ASIC5: variants seen among roughly 807,000 people sequenced by gnomAD.
ASIC5 encodes bile acid-sensitive ion channel.
ASIC5 carries 52 observed loss-of-function variants against 51.2 expected under a neutral mutation model. The ratio of observed to expected loss-of-function variants is 1.02; its 90% CI spans 0.81 to 1.28. The LOEUF is 1.28. ASIC5 is among the 50% of genes most tolerant of loss of function. ASIC5 has a pLI of 0.00. For synonymous variants in ASIC5, 231 were observed against 200.7 expected (o/e 1.15, Z -1.28); for missense variants, 635 against 595.0 (o/e 1.07, Z -0.70).
At chr4:155,837,038 G>A (rs974132290) in intron 7 of ASIC5, among the ~76,000 whole-genome samples, 181 bp from the exon 8 acceptor site, 3 of 152,128 alleles carry the variant, frequency 2.0e-5, no homozygotes, top group African/African-American at 7.2e-5. Flanking sequence ...TACAATATAA[G>A]GCCTGGAAGT....
At chr4:155,835,210 C>T (rs1309121013) in intron 8 of ASIC5, among the ~76,000 whole-genome samples, 1 of 152,100 alleles carries the variant, frequency 6.6e-6, no homozygotes, top group Non-Finnish European at 1.5e-5. Flanking sequence ...CTTTGTAACC[C>T]TAGGGTTGCA....
rs554030964 is a variant in ASIC5 at position 155,839,827 on chromosome 4, G to GA, written c.1010-959dup. Among the ~76,000 whole-genome samples the GA allele has an allele frequency of 4.4e-4, 66 of 150,324 alleles. No individual in the cohort carries two copies. In the South Asian group the frequency reaches 0.012, roughly 26 times the overall value. On this transcript the variant is annotated intron_variant, in intron 6 of 9. Coordinates refer to ENST00000537611, the MANE Select transcript of ASIC5 (RefSeq NM_017419.3). Reference sequence around the variant, plus strand: ...TTCTTCCATTATAAAGAGCAATTCAGAAAAAAAAGATGGTAGATGGAACAC... The same window carrying GA: ...TTCTTCCATTATAAAGAGCAATTCAGAAAAAAAAAGATGGTAGATGGAACAC...
intron 7 of ASIC5, among the ~76,000 whole-genome samples, chr4:155,837,674 G>A (rs1741017130): frequency 6.6e-6 from 1 of 152,024 alleles, no homozygotes; most frequent in South Asian, 2.1e-4. Flanking sequence ...TTCTCTAGGA[G>A]AAGTCAAAGC....
At chr4:155,855,541 A>G (rs992856035) in intron 2 of ASIC5, among the ~76,000 whole-genome samples, 3 of 151,994 alleles carry the variant, frequency 2.0e-5, no homozygotes, top group African/African-American at 4.8e-5. Context: ...GAAACTGAAC[A>G]AATGTTCTCT....
intron 6 of ASIC5, among the ~76,000 whole-genome samples, chr4:155,840,664 C>T (rs1215350046): frequency 6.6e-6 from 1 of 151,830 alleles, no homozygotes; most frequent in Non-Finnish European, 1.5e-5. Context: ...AAGACAATAA[C>T]AGCCCTTTCC....
intron 5 of ASIC5, 84 bp downstream of exon 5, chr4:155,843,597 G>A: frequency 6.8e-7 from 1 of 1,468,070 alleles, no homozygotes; most frequent in African/African-American, 1.4e-5. Context: ...AGGCATGGGA[G>A]AAAGGAATTT....
rs570782717 is a variant in ASIC5, at chr4:155,863,663, G to A, written c.132C>T (p.Ser44=). Residue 44 remains serine, a synonymous_variant, in exon 2 of 10, where the codon TCC becomes TCT. Coordinates refer to ENST00000537611, the MANE Select transcript of ASIC5 (RefSeq NM_017419.3). ...RKKFDHDFAI[S]TSFHGIHNIV... is the part of the protein sequence containing the mutation. The stretch of plus-strand genomic sequence containing the variant: ...TATTGTGTATCCCATGAAAGGAAGT[G>A]GAGATGGCAAAGTCATGGTCAAACT... The A allele has an allele frequency of 5.3e-4, 859 of 1,613,854 alleles. 4 individuals are homozygous for A. In the South Asian group the frequency reaches 8.9e-3, roughly 17 times the overall value.
chr4:155,863,389 AG>A (rs1741764642), intron 2 of ASIC5, 58 bp downstream of exon 2: 1 of 1,339,320 alleles, frequency 7.5e-7, no homozygotes, highest in Non-Finnish European at 1.0e-6. Flanking sequence ...CAGTCATCCA[AG>A]AAAGATTATA....
Position 155,842,203 on chromosome 4 carries a change from T to G in ASIC5, c.1009+4A>C. The G allele has an allele frequency of 6.2e-7, 1 of 1,612,578 alleles. No homozygotes were observed. On this transcript the variant is annotated splice_donor_region_variant and intron_variant, in intron 6 of 9. Transcript: ENST00000537611. ...AAGTAAGGGGGCAGTTAGTCTTTAT[T>G]TACCAGGAAGAAGAAAAGGCACACA... is the stretch of plus-strand genomic sequence containing the variant.
chr4:155,830,181 G>A (rs1159022762), intron 9 of ASIC5, 135 bp from the exon 10 acceptor site: 2 of 584,538 alleles, frequency 3.4e-6, no homozygotes, highest in African/African-American at 3.9e-5. Context: ...TTTAACATTT[G>A]ATATGAATAA....
intron 2 of ASIC5, among the ~76,000 whole-genome samples, chr4:155,858,217 T>C (rs1270705113): frequency 6.6e-6 from 1 of 152,104 alleles, no homozygotes; most frequent in Non-Finnish European, 1.5e-5. Context: ...CAAACAGTAT[T>C]ACAATTTCTG....
chr4:155,851,487 C>T (rs1278025429), intron 4 of ASIC5, among the ~76,000 whole-genome samples: 1 of 152,000 alleles, frequency 6.6e-6, no homozygotes, highest in Non-Finnish European at 1.5e-5. Flanking sequence ...CAGCATTTTA[C>T]AATCCTCTTT....
intron 2 of ASIC5, 62 bp downstream of exon 2, chr4:155,863,386 C>T (rs1321571516): frequency 7.7e-7 from 1 of 1,306,618 alleles, no homozygotes; most frequent in Non-Finnish European, 1.0e-6. Flanking sequence ...TGTCAGTCAT[C>T]CAAGAAAGAT....
chr4:155,865,726 G>T (rs1041033318), intron 1 of ASIC5, among the ~76,000 whole-genome samples: 1 of 152,034 alleles, frequency 6.6e-6, no homozygotes, highest in African/African-American at 2.4e-5. Flanking sequence ...CTGTCAGGAA[G>T]ATTAAAATTG....
At chr4:155,865,189 C>CATACACTT (rs1741830685) in intron 1 of ASIC5, 3 of 151,912 alleles carry the variant, frequency 2.0e-5, no homozygotes, top group Admixed American at 6.6e-5. Flanking sequence ...ATTCACTAAG[C>CATACACTT]AGGATAGCTT....
At position 155,850,499 on chromosome 4, in the gene ASIC5, T is replaced by G. The variant is rs115036910; in HGVS notation, c.711+1692A>C. Among the ~76,000 whole-genome samples, 957 of 152,134 alleles carry G rather than the reference T, an allele frequency of 6.3e-3. 12 individuals carry two copies. Among genetic ancestry groups the G allele is most frequent in the Non-Finnish European group, 7.6e-3 (515 of 67,958 alleles). ...CTGTTCTTAACTTTGGCAAATAAAC[T>G]TTCTAAAATGATTGAGACTTGTCTC... is the stretch of plus-strand genomic sequence containing the variant. On this transcript the variant is annotated intron_variant, in intron 4 of 9. Transcript: ENST00000537611.
intron 1 of ASIC5, 66 bp from the exon 2 acceptor site, chr4:155,863,820 T>TA (rs1254995023): frequency 8.8e-6 from 11 of 1,250,998 alleles, no homozygotes; most frequent in South Asian, 3.0e-5. Flanking sequence ...ATGCTATCCG[T>TA]AAAAAAACAC....
intron 9 of ASIC5, among the ~76,000 whole-genome samples, chr4:155,830,538 T>G (rs1020873204): frequency 6.6e-6 from 1 of 152,328 alleles, no homozygotes; most frequent in Non-Finnish European, 1.5e-5. Context: ...TTTTTGATAT[T>G]TTAAAATTTG....
At chr4:155,856,979 T>C (rs774372278) in intron 2 of ASIC5, among the ~76,000 whole-genome samples, 3 of 152,042 alleles carry the variant, frequency 2.0e-5, no homozygotes, top group African/African-American at 4.8e-5. Flanking sequence ...ATTATACTAA[T>C]AATATTTGAG....
Sources: allele counts gnomAD v4.1 joint callset (sites outside exome capture counted in the v4.1 genomes callset), GRCh38; gene constraint gnomAD v4.1.1; transcripts MANE v1.5; gene names NCBI Gene and HGNC (gene_info 2026-07-23, HGNC 2026-07-21).